IL1RAPL1: variants seen among roughly 807,000 people sequenced by gnomAD.
The protein encoded by IL1RAPL1 is interleukin 1 receptor accessory protein like 1.
A neutral mutation model predicts 48.4 loss-of-function variants in IL1RAPL1; 3 were observed. That is an observed-to-expected ratio of 0.06 (90% CI 0.03 to 0.16). The LOEUF is 0.16. Ranked by LOEUF, IL1RAPL1 falls within the 10% of genes least tolerant of loss-of-function variation. The pLI, the probability that IL1RAPL1 is intolerant of heterozygous loss-of-function variation, is 1.00. For missense variants in IL1RAPL1, 349 were observed against 530.6 expected (o/e 0.66, Z 3.36); for synonymous variants, 185 against 187.7 (o/e 0.99, Z 0.12).
chrX:29,443,231 G>GCTCTCTCTCT (rs376805298), intron 5 of IL1RAPL1, among the ~76,000 whole-genome samples: 1,262 of 93,818 alleles, frequency 0.013, 15 homozygotes, highest in South Asian at 0.038. Context: ...GCTCTCGCTT[G>GCTCTCTCTCT]CTCTCTCTCT....
chrX:28,723,828 T>C (rs1361971761), intron 1 of IL1RAPL1, among the ~76,000 whole-genome samples: 1 of 112,160 alleles, frequency 8.9e-6, no homozygotes, highest in Non-Finnish European at 1.9e-5. Flanking sequence ...AACATCTTTA[T>C]TTCTGCCTTC....
intron 2 of IL1RAPL1, among the ~76,000 whole-genome samples, chrX:29,186,982 G>T (rs750560990): frequency 2.7e-5 from 3 of 110,799 alleles, no homozygotes; most frequent in Admixed American, 1.9e-4. Context: ...AGTTGGGGGG[G>T]AGGGAGAGCA....
In IL1RAPL1 at chrX:28,948,614, A is replaced by C. The variant is rs184038939; in HGVS notation, c.82+159189A>C. Among the ~76,000 whole-genome samples the C allele has an allele frequency of 3.6e-5, 4 of 111,843 alleles. No individual in the cohort carries two copies. In the East Asian group the frequency reaches 8.5e-4, roughly 24 times the overall value. ...GGAATAGCAGTCTCCTTGAAGTGTT[A>C]TAAGAATTTTAGATGGTACATGTAA... is the stretch of plus-strand genomic sequence containing the variant. On this transcript the variant is annotated intron_variant, in intron 2 of 10. Transcript: ENST00000378993.
intron 1 of IL1RAPL1, among the ~76,000 whole-genome samples, chrX:28,612,636 AT>A (rs1934164144): frequency 8.9e-6 from 1 of 112,067 alleles, no homozygotes. Context: ...GGACACTATT[AT>A]TACAAACAGC....
intron 2 of IL1RAPL1, among the ~76,000 whole-genome samples, chrX:29,043,968 G>A (rs1466103053): frequency 3.6e-5 from 4 of 111,616 alleles, no homozygotes; most frequent in African/African-American, 1.3e-4. Flanking sequence ...CTGGAGCTTG[G>A]AATATGTCTG....
intron 2 of IL1RAPL1, among the ~76,000 whole-genome samples, chrX:28,792,509 CG>C (rs1180538745): frequency 2.0e-5 from 2 of 98,883 alleles, no homozygotes; most frequent in Non-Finnish European, 4.1e-5. Context: ...TAAGGCAGGC[CG>C]GGCGCGTTGG....
intron 1 of IL1RAPL1, among the ~76,000 whole-genome samples, chrX:28,655,118 A>C (rs1253132427): frequency 9.0e-6 from 1 of 111,476 alleles, no homozygotes; most frequent in Non-Finnish European, 1.9e-5. Context: ...CTTGGTCTAC[A>C]TGAAATGAAG....
At chrX:29,758,706 A>T (rs5927189) in intron 6 of IL1RAPL1, among the ~76,000 whole-genome samples, 26,778 of 107,068 alleles carry the variant, frequency 0.25, 2,536 homozygotes, top group Admixed American at 0.38. Context: ...AAAAAAAAAA[A>T]AATAATAATA....
chrX:29,154,149 A>C (rs187150266), intron 2 of IL1RAPL1, among the ~76,000 whole-genome samples: 29 of 111,724 alleles, frequency 2.6e-4, no homozygotes, highest in African/African-American at 7.1e-4. Context: ...GGCCACTTGG[A>C]TCTTCATCTT....
intron 6 of IL1RAPL1, among the ~76,000 whole-genome samples, chrX:29,886,555 T>C (rs181745871): frequency 8.9e-6 from 1 of 112,583 alleles, no homozygotes; most frequent in African/African-American, 3.2e-5. Context: ...AATTTCATAT[T>C]AGATCATTGA....
chrX:29,205,937 C>T (rs1020865498), intron 2 of IL1RAPL1, among the ~76,000 whole-genome samples: 3 of 108,567 alleles, frequency 2.8e-5, no homozygotes, highest in African/African-American at 1.0e-4. Context: ...GACAGAGTTT[C>T]ACCATCTTGG....
intron 2 of IL1RAPL1, among the ~76,000 whole-genome samples, chrX:28,829,945 A>G (rs1921006832): frequency 1.8e-5 from 2 of 110,767 alleles, no homozygotes; most frequent in South Asian, 7.6e-4. Flanking sequence ...TATGACATTG[A>G]TTGAATTTTA....
chrX:29,713,024 TAA>T (rs1409324603), intron 6 of IL1RAPL1, among the ~76,000 whole-genome samples: 1 of 112,002 alleles, frequency 8.9e-6, no homozygotes, highest in Non-Finnish European at 1.9e-5. Context: ...CTAAATTTGG[TAA>T]AGTCTCATTT....
chrX:29,185,505 G>T (rs768700739), intron 2 of IL1RAPL1, among the ~76,000 whole-genome samples: 3 of 111,845 alleles, frequency 2.7e-5, no homozygotes, highest in Admixed American at 9.5e-5. Flanking sequence ...AGCACTTACC[G>T]CAATGCCTGG....
chrX:29,054,395 C>T (rs1326678171), intron 2 of IL1RAPL1, among the ~76,000 whole-genome samples: 1 of 111,422 alleles, frequency 9.0e-6, no homozygotes, highest in African/African-American at 3.3e-5. Context: ...ATACCGCTGC[C>T]TCCCACTTAC....
chrX:29,102,437 C>T (rs915142578), intron 2 of IL1RAPL1, among the ~76,000 whole-genome samples: 3 of 111,517 alleles, frequency 2.7e-5, no homozygotes, highest in Non-Finnish European at 3.8e-5. Flanking sequence ...GAGGCTGAGG[C>T]GGGCGGATCA....
At chrX:28,791,740 G>A (rs1936541131) in intron 2 of IL1RAPL1, among the ~76,000 whole-genome samples, 1 of 111,819 alleles carries the variant, frequency 8.9e-6, no homozygotes, top group Admixed American at 9.5e-5. Flanking sequence ...GATGGATGGA[G>A]GCTTGTTTGT....
At chrX:29,699,218 A>G (rs1376497035) in intron 6 of IL1RAPL1, among the ~76,000 whole-genome samples, 1 of 112,466 alleles carries the variant, frequency 8.9e-6, no homozygotes, top group Non-Finnish European at 1.9e-5. Flanking sequence ...ATTGCATGCC[A>G]AATTTTAATT....
chrX:28,671,978 C>A (rs1258646871), intron 1 of IL1RAPL1, among the ~76,000 whole-genome samples: 1 of 112,335 alleles, frequency 8.9e-6, no homozygotes, highest in African/African-American at 3.2e-5. Flanking sequence ...AAATTATAAC[C>A]CTTTTTTCTT....
Sources: allele counts gnomAD v4.1 joint callset (sites outside exome capture counted in the v4.1 genomes callset), GRCh38; gene constraint gnomAD v4.1.1; transcripts MANE v1.5; gene names NCBI Gene and HGNC (gene_info 2026-07-23, HGNC 2026-07-21).